The following TMC7 variants were observed in gnomAD, a reference collection of about 807,000 sequenced individuals.
TMC7 encodes the protein transmembrane channel-like protein 7.
In TMC7, 54 loss-of-function variants were observed where a neutral mutation model predicts 82.9. The ratio of observed to expected loss-of-function variants is 0.65; its 90% CI spans 0.52 to 0.82. TMC7 has a LOEUF of 0.82. Among genes scored for constraint, TMC7 ranks in the 40% least tolerant of loss-of-function variants. The pLI, the probability that TMC7 is intolerant of heterozygous loss-of-function variation, is 0.00. For synonymous variants in TMC7, 350 were observed against 337.9 expected, an observed-to-expected ratio of 1.04 and a Z score of -0.39; for missense variants, 820 against 901.2, an observed-to-expected ratio of 0.91 and a Z score of 1.15.
At chr16:19,045,058 T>C (rs2142283253) in intron 10 of TMC7, 57 bp downstream of exon 10, 1 of 1,350,964 alleles carries the variant, frequency 7.4e-7, no homozygotes, top group Non-Finnish European at 1.1e-6. Context: ...TACAGTGTCA[T>C]GGTCAAGAGA....
chr16:19,048,455 C>T (rs541801023), intron 12 of TMC7, among the ~76,000 whole-genome samples: 2 of 151,952 alleles, frequency 1.3e-5, no homozygotes, highest in Non-Finnish European at 1.5e-5. Flanking sequence ...GAGTTTTGCT[C>T]TTGTTGCCCA....
At chr16:19,002,234 CTTTTTTT>C (rs558887362) in intron 1 of TMC7, among the ~76,000 whole-genome samples, 1 of 127,106 alleles carries the variant, frequency 7.9e-6, no homozygotes, top group African/African-American at 2.9e-5. Context: ...TGGAGGGCCG[CTTTTTTT>C]TTTTTTTTTT....
In TMC7 at chr16:19,016,707, A is replaced by G. The variant is rs1291853261; in HGVS notation, c.460+109A>G. ...TAGCTGAAATTGAGCATTTCTTTCC[A>G]TGATGAATGTGAGCAACAAACCACA... On this transcript the variant is annotated intron_variant, in intron 3 of 15. Coordinates refer to ENST00000304381, the MANE Select transcript of TMC7 (RefSeq NM_024847.4). 4 of 1,218,876 alleles carry G rather than the reference A, an allele frequency of 3.3e-6. No homozygotes were observed. The African/African-American group carries it at 6.1e-5, about 19-fold the overall frequency. 75.5% of individuals were successfully genotyped at this position (1,218,876 alleles called of 1,614,324 possible).
chr16:19,021,021 A>G (rs142865119), intron 3 of TMC7, among the ~76,000 whole-genome samples: 1 of 152,294 alleles, frequency 6.6e-6, no homozygotes, highest in Non-Finnish European at 1.5e-5. Flanking sequence ...AAGACTTAAT[A>G]TTATAAATAT....
At chr16:19,009,140 A>G in intron 1 of TMC7, 32 bp from the exon 2 acceptor site, 1 of 1,602,996 alleles carries the variant, frequency 6.2e-7, no homozygotes, top group Non-Finnish European at 8.5e-7. Context: ...AACTCACTGG[A>G]GTGAATGATG....
chr16:19,017,851 T>G (rs556943934), intron 3 of TMC7, among the ~76,000 whole-genome samples: 4 of 152,068 alleles, frequency 2.6e-5, no homozygotes, highest in Admixed American at 2.0e-4. Context: ...TTTGTATTTT[T>G]AGTAGAGACG....
chr16:19,018,481 A>G (rs1959813776), intron 3 of TMC7, among the ~76,000 whole-genome samples: 1 of 152,140 alleles, frequency 6.6e-6, no homozygotes, highest in African/African-American at 2.4e-5. Flanking sequence ...CACTAATCCC[A>G]TCATGGGACA....
chr16:19,014,127 A>G (rs917400132), intron 2 of TMC7, among the ~76,000 whole-genome samples: 1 of 151,898 alleles, frequency 6.6e-6, no homozygotes, highest in Non-Finnish European at 1.5e-5. Flanking sequence ...CGGCCTCCCA[A>G]AGTGCTGGGA....
At position 19,059,453 on chromosome 16, in the gene TMC7, C is replaced by A. The variant is rs1961908895; in HGVS notation, c.2065C>A (p.His689Asn). ...TTACTTCATTGCCTTAGCTGGAGCACACAAACGGGTGGTCATCCAGCTCCG... is the reference window on the plus strand; with the variant it reads ...TTACTTCATTGCCTTAGCTGGAGCAAACAAACGGGTGGTCATCCAGCTCCG... Reference protein sequence around the residue: ...MFYFIALAGAHKRVVIQLREQ... With the variant: ...MFYFIALAGANKRVVIQLREQ... The change falls in exon 15 of 16, where the codon CAC (histidine) becomes AAC (asparagine). Residue 689 changes from histidine (H) to asparagine (N), a missense_variant. By Grantham distance (68) the His-to-Asn change is moderately conservative (BLOSUM62 1). Coordinates refer to ENST00000304381, the MANE Select transcript of TMC7 (RefSeq NM_024847.4). 1 of 1,613,968 alleles carries A rather than the reference C, an allele frequency of 6.2e-7. No homozygotes were observed. The highest frequency in any genetic ancestry group is 8.5e-7 in the Non-Finnish European group (1 of 1,180,034).
chr16:19,051,961 C>G (rs4278732), intron 13 of TMC7, 145 bp downstream of exon 13: 209,060 of 1,072,058 alleles, frequency 0.2, 21,696 homozygotes, highest in Admixed American at 0.22. Flanking sequence ...GTGGCGCAGT[C>G]TTGGCTCACT....
rs1012314108 is a variant in TMC7, at chr16:19,035,305, G to T, written c.858-371G>T. Among the ~76,000 whole-genome samples the T allele has an allele frequency of 1.6e-4, 25 of 152,116 alleles. 1 individual carries two copies. Among genetic ancestry groups the T allele is most frequent in the Admixed American group, 4.6e-4 (7 of 15,250 alleles). ...AGAGGGAGAGAGGGAGGCAAGGATT[G>T]AAGAACTATTGGATACTGTGCTCAG... On this transcript the variant is annotated intron_variant, in intron 6 of 15. Transcript: ENST00000304381.
At chr16:19,058,162 C>T (rs1443483990) in intron 14 of TMC7, among the ~76,000 whole-genome samples, 5 of 152,056 alleles carry the variant, frequency 3.3e-5, no homozygotes, top group South Asian at 2.1e-4. Context: ...GAGGCCGAGG[C>T]GGGTGGATCA....
chr16:19,044,676 C>G (rs1961178130), intron 9 of TMC7, among the ~76,000 whole-genome samples: 1 of 150,266 alleles, frequency 6.7e-6, no homozygotes, highest in East Asian at 2.0e-4. Context: ...GTGGCAGACA[C>G]CTGTAATCCC....
intron 9 of TMC7, among the ~76,000 whole-genome samples, chr16:19,043,108 A>T (rs1474337960): frequency 6.6e-6 from 1 of 151,648 alleles, no homozygotes; most frequent in African/African-American, 2.4e-5. Context: ...AAAAAACAAG[A>T]ACAAAAACTC....
At position 19,031,241 on chromosome 16, in the gene TMC7, G is replaced by A. The variant is rs112320197; in HGVS notation, c.857+872G>A. 3.7e-3 allele frequency among the ~76,000 whole-genome samples: 560 copies of A among 152,288 alleles called. 4 individuals carry two copies. Among genetic ancestry groups the A allele is most frequent in the African/African-American group, 0.013 (529 of 41,550 alleles). On this transcript the variant is annotated intron_variant, in intron 6 of 15. Coordinates refer to ENST00000304381, the MANE Select transcript of TMC7 (RefSeq NM_024847.4). ...TCCTTAGAAAAGACTTGTTGTATCTGCTTCATTCAGGTTCCCAGCCGTGAC... is the reference window on the plus strand; with the variant it reads ...TCCTTAGAAAAGACTTGTTGTATCTACTTCATTCAGGTTCCCAGCCGTGAC...
At chr16:19,045,561 A>C in intron 11 of TMC7, 123 bp downstream of exon 11, 1 of 663,464 alleles carries the variant, frequency 1.5e-6, no homozygotes, top group Non-Finnish European at 2.7e-6. Flanking sequence ...ATGACTCTAC[A>C]GCCCTGGAAA....
At chr16:18,991,684 C>T (rs2038953735) in intron 1 of TMC7, among the ~76,000 whole-genome samples, 1 of 152,062 alleles carries the variant, frequency 6.6e-6, no homozygotes, top group Non-Finnish European at 1.5e-5. Context: ...ATGCTGCACC[C>T]ATTAACTCAT....
chr16:19,019,258 G>A (rs1596750294), intron 3 of TMC7, among the ~76,000 whole-genome samples: 1 of 152,206 alleles, frequency 6.6e-6, no homozygotes, highest in Non-Finnish European at 1.5e-5. Flanking sequence ...CAAAGGAAAT[G>A]ATTGTCTCCA....
At chr16:19,044,163 C>T (rs888496819) in intron 9 of TMC7, among the ~76,000 whole-genome samples, 9 of 151,690 alleles carry the variant, frequency 5.9e-5, no homozygotes, top group Admixed American at 5.3e-4. Context: ...CCACCACGCC[C>T]GACATTGGTT....
Sources: gnomAD v4.1 joint callset for allele counts (sites outside exome capture counted in the v4.1 genomes callset) on GRCh38, gnomAD v4.1.1 for gene constraint, MANE v1.5 for transcripts, NCBI Gene and HGNC (gene_info 2026-07-23, HGNC 2026-07-21) for gene names.